ZC3H12B: variants seen among roughly 807,000 people sequenced by gnomAD.
The protein encoded by ZC3H12B is zinc finger CCCH-type containing 12B, also known as probable ribonuclease ZC3H12B.
In ZC3H12B, 7 loss-of-function variants were observed where a neutral mutation model predicts 43.9. The ratio of observed to expected loss-of-function variants is 0.16; its 90% CI spans 0.09 to 0.30. The LOEUF is 0.30. Ranked by LOEUF, ZC3H12B falls within the 10% of genes least tolerant of loss-of-function variation. ZC3H12B has a pLI of 1.00. For missense variants in ZC3H12B, 475 were observed against 670.2 expected (o/e 0.71, Z 3.22); for synonymous variants, 222 against 241.7 (o/e 0.92, Z 0.76).
the ZC3H12B span, among the ~76,000 whole-genome samples, chrX:65,114,400 A>G: frequency 1.8e-5 from 2 of 110,370 alleles, no homozygotes; most frequent in African/African-American, 6.5e-5. Flanking sequence ...TTTTAAAATT[A>G]TGAATTCAAT....
At chrX:65,101,032 T>C in the ZC3H12B span, among the ~76,000 whole-genome samples, 1 of 111,624 alleles carries the variant, frequency 9.0e-6, no homozygotes, top group Non-Finnish European at 1.9e-5. Flanking sequence ...GAATGGAAAT[T>C]ATAACAAACA....
At chrX:65,112,589 A>G in the ZC3H12B span, among the ~76,000 whole-genome samples, 11 of 111,723 alleles carry the variant, frequency 9.8e-5, no homozygotes, top group Non-Finnish European at 1.7e-4. Flanking sequence ...AAATCCTAGG[A>G]CCATTAAAAA....
chrX:65,140,159 G>A, the ZC3H12B span, among the ~76,000 whole-genome samples: 1 of 111,356 alleles, frequency 9.0e-6, no homozygotes. Flanking sequence ...AGGCATTCTT[G>A]TCTTGTTTTT....
the ZC3H12B span, among the ~76,000 whole-genome samples, chrX:65,121,184 A>G: frequency 1.8e-5 from 2 of 110,783 alleles, no homozygotes; most frequent in South Asian, 3.8e-4. Context: ...TAGGGAGGAT[A>G]CCCTCTTTTT....
chrX:65,127,925 G>A, the ZC3H12B span, among the ~76,000 whole-genome samples: 2 of 111,481 alleles, frequency 1.8e-5, no homozygotes, highest in Non-Finnish European at 3.8e-5. Context: ...CAGCTACCAA[G>A]ACTGAGAACT....
At chrX:65,226,088 A>T in the ZC3H12B span, among the ~76,000 whole-genome samples, 14 of 111,606 alleles carry the variant, frequency 1.3e-4, no homozygotes, top group African/African-American at 3.9e-4. Flanking sequence ...TTCACCAAAG[A>T]TGAAATGAAG....
chrX:65,463,107 G>T (rs772979181), intron 3 of ZC3H12B, among the ~76,000 whole-genome samples: 42 of 111,652 alleles, frequency 3.8e-4, no homozygotes, highest in Admixed American at 1.7e-3. Context: ...CAGATACTGG[G>T]GACTACTAGA....
upstream of ZC3H12B, among the ~76,000 whole-genome samples, chrX:65,486,090 C>A (rs1410474585): frequency 1.8e-5 from 2 of 112,256 alleles, no homozygotes; most frequent in Non-Finnish European, 3.8e-5. Flanking sequence ...ACCACCACAC[C>A]TATCTCCCAC....
At chrX:65,049,274 T>A in the ZC3H12B span, among the ~76,000 whole-genome samples, 1 of 111,553 alleles carries the variant, frequency 9.0e-6, no homozygotes, top group East Asian at 2.8e-4. Flanking sequence ...TATTTCCTTA[T>A]GTTTTCTTCT....
chrX:65,357,383 C>T, the ZC3H12B span: 2 of 223,447 alleles, frequency 9.0e-6, no homozygotes, highest in South Asian at 1.1e-4. Context: ...GTTGCACAAA[C>T]ACTACCATAG....
exon 5 of ZC3H12B, chrX:65,505,282 T>C (rs1425899024): frequency 8.9e-6 from 1 of 112,212 alleles, no homozygotes; most frequent in Non-Finnish European, 1.9e-5. Context: ...TGCCTATAAA[T>C]GTTTCTTACT....
the ZC3H12B span, among the ~76,000 whole-genome samples, chrX:65,060,999 G>T: frequency 9.0e-6 from 1 of 111,180 alleles, no homozygotes; most frequent in African/African-American, 3.3e-5. Context: ...TTGGTAGGTT[G>T]TATATATCTA....
the ZC3H12B span, among the ~76,000 whole-genome samples, chrX:65,342,701 A>C: frequency 9.0e-6 from 1 of 110,827 alleles, no homozygotes; most frequent in Admixed American, 9.6e-5. Flanking sequence ...ACATCCAAAA[A>C]TTAGAAAGAT....
chrX:65,349,215 C>T, the ZC3H12B span, among the ~76,000 whole-genome samples: 1 of 112,104 alleles, frequency 8.9e-6, no homozygotes, highest in Non-Finnish European at 1.9e-5. Context: ...AAGAAACTCA[C>T]TCATAACCAC....
At chrX:65,206,972 G>A in the ZC3H12B span, among the ~76,000 whole-genome samples, 3 of 105,292 alleles carry the variant, frequency 2.8e-5, no homozygotes, top group Admixed American at 3.0e-4. Context: ...CCTTACTCCC[G>A]CAAGAATGGC....
chrX:65,114,025 A>ATATATATATG, the ZC3H12B span, among the ~76,000 whole-genome samples: 4 of 80,114 alleles, frequency 5.0e-5, no homozygotes, highest in Non-Finnish European at 9.7e-5. Context: ...ATATATATAT[A>ATATATATATG]TTCATCTTTA....
At chrX:65,226,291 A>G in the ZC3H12B span, among the ~76,000 whole-genome samples, 2 of 111,301 alleles carry the variant, frequency 1.8e-5, no homozygotes, top group Admixed American at 1.9e-4. Flanking sequence ...AGTGAAGGAG[A>G]AATAAAATCC....
chrX:65,112,054 C>A, the ZC3H12B span, among the ~76,000 whole-genome samples: 1 of 112,238 alleles, frequency 8.9e-6, no homozygotes, highest in South Asian at 3.6e-4. Flanking sequence ...AGTAAAAGTT[C>A]TTTAAAGAAA....
At chrX:65,389,584 C>A (rs759129773) in intron 2 of ZC3H12B, among the ~76,000 whole-genome samples, 3 of 112,863 alleles carry the variant, frequency 2.7e-5, no homozygotes, top group African/African-American at 9.6e-5. Context: ...TTGTGCTTCC[C>A]AGGTGAGGCG....
Sources: gnomAD v4.1 joint callset for allele counts (sites outside exome capture counted in the v4.1 genomes callset) on GRCh38, gnomAD v4.1.1 for gene constraint, MANE v1.5 for transcripts, NCBI Gene and HGNC (gene_info 2026-07-23, HGNC 2026-07-21) for gene names.